Variants in ARHGAP10 observed in about 807,000 individuals in gnomAD.
ARHGAP10 encodes rho GTPase-activating protein 10.
ARHGAP10 carries 87 observed loss-of-function variants against 108.6 expected under a neutral mutation model. The observed-to-expected ratio is 0.80, with a 90% confidence interval of 0.67 to 0.96. The LOEUF is 0.96. Among genes scored for constraint, ARHGAP10 ranks in the 40% least tolerant of loss-of-function variants. The pLI is 0.00. For missense variants in ARHGAP10, 939 were observed against 954.5 expected (o/e 0.98, Z 0.21); for synonymous variants, 347 against 341.1 (o/e 1.02, Z -0.19).
At chr4:147,951,951 C>T (rs1264810739) in intron 15 of ARHGAP10, among the ~76,000 whole-genome samples, 7 of 152,148 alleles carry the variant, frequency 4.6e-5, no homozygotes, top group African/African-American at 1.2e-4. Flanking sequence ...TCACACCCTA[C>T]GGAAGTAGCC....
Position 148,046,921 on chromosome 4 carries a change from A to G in ARHGAP10, c.1897A>G (p.Thr633Ala). The G allele has an allele frequency of 1.2e-6, 2 of 1,613,978 alleles. No individual in the cohort carries two copies. The highest frequency in any genetic ancestry group is 1.7e-6 in the Non-Finnish European group (2 of 1,179,958). The change falls in exon 20 of 23, where the codon ACC becomes GCC. Residue 633 changes from threonine (T) to alanine (A), a missense_variant. Physicochemically the swap from Thr to Ala is moderately conservative, Grantham distance 58. Coordinates refer to ENST00000336498, the MANE Select transcript of ARHGAP10 (RefSeq NM_024605.4). ...GDNPYPSKED[T>A]PTSSLDSLSS... Reference sequence around the variant, plus strand: ...CAATCCTTACCCTTCCAAGGAGGACACCCCTACCAGCAGTCTGGACTCACT... The same window carrying G: ...CAATCCTTACCCTTCCAAGGAGGACGCCCCTACCAGCAGTCTGGACTCACT...
chr4:147,983,812 G>A (rs1036132324), intron 18 of ARHGAP10, among the ~76,000 whole-genome samples: 7 of 152,156 alleles, frequency 4.6e-5, no homozygotes, highest in Non-Finnish European at 8.8e-5. Flanking sequence ...CATTCATTCC[G>A]GTTAGAATCC....
intron 10 of ARHGAP10, among the ~76,000 whole-genome samples, chr4:147,886,494 C>G (rs1007439252): frequency 1.3e-5 from 2 of 152,288 alleles, no homozygotes; most frequent in South Asian, 4.1e-4. Context: ...CCAGTTAAGC[C>G]CTACAGTCTG....
At chr4:147,976,002 G>C (rs1380026283) in intron 18 of ARHGAP10, among the ~76,000 whole-genome samples, 2 of 152,196 alleles carry the variant, frequency 1.3e-5, no homozygotes, top group Non-Finnish European at 2.9e-5. Flanking sequence ...GTCTCAACTT[G>C]CTGCTGTCCC....
At chr4:147,938,911 G>C (rs535199681) in intron 13 of ARHGAP10, among the ~76,000 whole-genome samples, 1 of 152,290 alleles carries the variant, frequency 6.6e-6, no homozygotes, top group African/African-American at 2.4e-5. Flanking sequence ...GCATAAAAAA[G>C]TAGAGAGATT....
At chr4:147,738,521 C>A (rs777643402) in intron 1 of ARHGAP10, among the ~76,000 whole-genome samples, 25 of 152,104 alleles carry the variant, frequency 1.6e-4, no homozygotes, top group Non-Finnish European at 3.1e-4. Context: ...TCACTGCACT[C>A]CAGCCTGGGC....
intron 14 of ARHGAP10, 45 bp downstream of exon 14, chr4:147,939,944 G>C (rs755145859): frequency 6.8e-7 from 1 of 1,478,106 alleles, no homozygotes; most frequent in Non-Finnish European, 9.4e-7. Flanking sequence ...ATTTGTGTAT[G>C]TTCATTGACT....
chr4:147,839,154 GTCTA>G (rs1307916294), intron 3 of ARHGAP10, among the ~76,000 whole-genome samples: 32 of 149,340 alleles, frequency 2.1e-4, no homozygotes, highest in Middle Eastern at 3.4e-3. Flanking sequence ...CTGTCTGTCT[GTCTA>G]TGTATATATA....
chr4:147,795,742 T>C (rs1731293911), intron 1 of ARHGAP10, among the ~76,000 whole-genome samples: 1 of 151,684 alleles, frequency 6.6e-6, no homozygotes, highest in Admixed American at 6.6e-5. Flanking sequence ...TTGCCCAGGC[T>C]GGAGTGCTGT....
chr4:147,858,257 G>T (rs1579124129), intron 5 of ARHGAP10: 1 of 152,130 alleles, frequency 6.6e-6, no homozygotes, highest in African/African-American at 2.4e-5. Context: ...TGGAAACTCA[G>T]TTGTTTACAA....
At position 147,966,712 on chromosome 4, in the gene ARHGAP10, C is replaced by T. The variant is rs34051206; in HGVS notation, c.1589C>T (p.Thr530Ile). ...VSNHSKQNLM[T>I]VANLGVVFGP... ...AATCACTCCAAGCAGAACCTGATGA[C>T]TGTGGCAAACTTAGGAGTGGTGTTT... Residue 530 changes from threonine (T) to isoleucine (I), a missense_variant, in exon 18 of 23, where the codon ACT (threonine) becomes ATT (isoleucine). By Grantham distance (89) the Thr-to-Ile change is moderately conservative. Coordinates refer to ENST00000336498, the MANE Select transcript of ARHGAP10 (RefSeq NM_024605.4). 6.3e-7 allele frequency: 1 copy of T among 1,592,856 alleles called. No homozygotes were observed. Among genetic ancestry groups the T allele is most frequent in the Non-Finnish European group, 8.6e-7 (1 of 1,166,038 alleles).
At chr4:147,798,085 A>G (rs1241501335) in intron 1 of ARHGAP10, among the ~76,000 whole-genome samples, 1 of 145,934 alleles carries the variant, frequency 6.9e-6, no homozygotes, top group African/African-American at 2.5e-5. Context: ...TCCTCCCTGT[A>G]CTCTCCTGTA....
chr4:147,739,508 T>G (rs529144628), intron 1 of ARHGAP10, among the ~76,000 whole-genome samples: 21 of 152,298 alleles, frequency 1.4e-4, no homozygotes, highest in African/African-American at 4.8e-4. Context: ...AACTCAAAAT[T>G]AGGGTTTCTA....
At chr4:147,784,803 TATA>T (rs370366480) in intron 1 of ARHGAP10, among the ~76,000 whole-genome samples, 39,697 of 52,212 alleles carry the variant, frequency 0.76, 17,444 homozygotes, top group East Asian at 0.88. Flanking sequence ...ATATTATAAA[TATA>T]ATATATTATA....
intron 14 of ARHGAP10, among the ~76,000 whole-genome samples, chr4:147,941,559 A>C (rs1350577512): frequency 6.6e-6 from 1 of 152,196 alleles, no homozygotes; most frequent in Non-Finnish European, 1.5e-5. Flanking sequence ...ATTGCTGGCA[A>C]GGGAAATGCT....
At chr4:147,788,576 G>A (rs1730991693) in intron 1 of ARHGAP10, among the ~76,000 whole-genome samples, 1 of 152,196 alleles carries the variant, frequency 6.6e-6, no homozygotes, top group Admixed American at 6.5e-5. Flanking sequence ...AGCACATGGG[G>A]CTGGGAAGGG....
Position 147,746,195 on chromosome 4 carries a change from C to G in ARHGAP10, c.154+13740C>G, listed in dbSNP as rs189418434. Among the ~76,000 whole-genome samples the G allele has an allele frequency of 2.4e-4, 37 of 151,918 alleles. 1 individual carries two copies. Among genetic ancestry groups the G allele is most frequent in the Admixed American group, 1.3e-3 (20 of 15,258 alleles). On this transcript the variant is annotated intron_variant, in intron 1 of 22. Coordinates refer to ENST00000336498, the MANE Select transcript of ARHGAP10 (RefSeq NM_024605.4). ...CTTGGCTCACTGCATCCTCTGCCTC[C>G]GGGGTTAAAGCGATTCTTCTGCCTC...
intron 4 of ARHGAP10, among the ~76,000 whole-genome samples, chr4:147,852,493 T>C (rs1733909073): frequency 6.6e-6 from 1 of 152,018 alleles, no homozygotes; most frequent in Non-Finnish European, 1.5e-5. Context: ...AAATGAAGTG[T>C]CAAGTAGGAA....
chr4:147,748,742 A>T (rs761912267), intron 1 of ARHGAP10, among the ~76,000 whole-genome samples: 25 of 152,126 alleles, frequency 1.6e-4, no homozygotes, highest in Admixed American at 1.0e-3. Context: ...AGGCTGAGGC[A>T]GGAGGATTGC....
Sources: gnomAD v4.1 joint callset for allele counts (sites outside exome capture counted in the v4.1 genomes callset) on GRCh38, gnomAD v4.1.1 for gene constraint, MANE v1.5 for transcripts, NCBI Gene and HGNC (gene_info 2026-07-23, HGNC 2026-07-21) for gene names.